Variants in NGEF observed in about 807,000 individuals in gnomAD.
NGEF encodes ephexin-1.
A neutral mutation model predicts 80.9 loss-of-function variants in NGEF; 31 were observed. The observed-to-expected ratio is 0.38, with a 90% CI of 0.29 to 0.52. The LOEUF (loss-of-function observed/expected upper bound fraction) is 0.52, where lower values mean the gene tolerates loss of function less well. NGEF is among the 20% of genes least tolerant of loss of function. The pLI is 0.84. For missense variants in NGEF, 709 were observed against 926.2 expected, an observed-to-expected ratio of 0.77 and a Z score of 3.04; for synonymous variants, 371 against 370.2, an observed-to-expected ratio of 1.00 and a Z score of -0.03.
chr2:232,893,470 T>C (rs909163138), intron 6 of NGEF, among the ~76,000 whole-genome samples: 2 of 152,152 alleles, frequency 1.3e-5, no homozygotes, highest in African/African-American at 4.8e-5. Flanking sequence ...TACAAATACA[T>C]AAGACAGAAG....
At chr2:232,953,451 A>T (rs553375265) in intron 3 of NGEF, among the ~76,000 whole-genome samples, 206 of 151,286 alleles carry the variant, frequency 1.4e-3, no homozygotes, top group Non-Finnish European at 2.2e-3. Context: ...CACAACCAAC[A>T]TGCTCAAAAA....
chr2:232,972,278 A>C (rs75713621), intron 2 of NGEF, among the ~76,000 whole-genome samples: 13,452 of 152,294 alleles, frequency 0.088, 714 homozygotes, highest in South Asian at 0.17. Flanking sequence ...CTTCATGCAA[A>C]AAAAAGGAAT....
intron 5 of NGEF, among the ~76,000 whole-genome samples, chr2:232,916,071 C>T (rs955977499): frequency 6.6e-6 from 1 of 152,162 alleles, no homozygotes; most frequent in Non-Finnish European, 1.5e-5. Context: ...TTGGGAACAG[C>T]CTTTCTAATC....
intron 1 of NGEF, among the ~76,000 whole-genome samples, chr2:232,977,388 G>T (rs1460578319): frequency 6.6e-6 from 1 of 152,186 alleles, no homozygotes. Context: ...ATGAGTGTCC[G>T]AGCTCCCCAG....
intron 5 of NGEF, among the ~76,000 whole-genome samples, chr2:232,911,855 T>C (rs1692696920): frequency 1.3e-5 from 2 of 152,242 alleles, no homozygotes; most frequent in Non-Finnish European, 2.9e-5. Flanking sequence ...GCCTTGTATC[T>C]GGCAACCTTG....
chr2:233,009,175 C>G, intron 1 of NGEF, among the ~76,000 whole-genome samples: 1 of 152,174 alleles, frequency 6.6e-6, no homozygotes, highest in East Asian at 1.9e-4. Flanking sequence ...CCCTGCGTCC[C>G]TGCTCCACTT....
intron 1 of NGEF, among the ~76,000 whole-genome samples, chr2:232,995,887 T>C (rs1023320089): frequency 3.6e-4 from 55 of 151,250 alleles, no homozygotes; most frequent in African/African-American, 1.3e-3. Flanking sequence ...TACACTATAA[T>C]ACATATATGG....
intron 1 of NGEF, among the ~76,000 whole-genome samples, chr2:232,991,112 A>C (rs1035378679): frequency 1.1e-4 from 17 of 152,216 alleles, no homozygotes; most frequent in African/African-American, 3.8e-4. Context: ...ATCTATGAAA[A>C]CTACACAGCA....
At chr2:232,993,102 A>G in intron 1 of NGEF, among the ~76,000 whole-genome samples, 1 of 85,900 alleles carries the variant, frequency 1.2e-5, no homozygotes, top group East Asian at 3.8e-4. Context: ...TATATAAATA[A>G]ATAAATATAT....
At chr2:232,923,072 G>GAA (rs376024670) in intron 4 of NGEF, among the ~76,000 whole-genome samples, 1,580 of 149,402 alleles carry the variant, frequency 0.011, 22 homozygotes, top group Non-Finnish European at 0.013. Context: ...CTCCATCTCA[G>GAA]AAAAAAAAAC....
At chr2:232,988,205 G>A (rs1694578482) in intron 1 of NGEF, among the ~76,000 whole-genome samples, 1 of 152,084 alleles carries the variant, frequency 6.6e-6, no homozygotes, top group Non-Finnish European at 1.5e-5. Context: ...GAGGGGAGGT[G>A]GGGAGAGTGG....
At chr2:232,948,940 T>G (rs1475545115) in intron 3 of NGEF, among the ~76,000 whole-genome samples, 1 of 151,758 alleles carries the variant, frequency 6.6e-6, no homozygotes, top group Non-Finnish European at 1.5e-5. Flanking sequence ...ATCGCTTGAA[T>G]CCAGGAGGCA....
At chr2:232,990,074 A>G (rs1034886550) in intron 1 of NGEF, among the ~76,000 whole-genome samples, 2 of 152,172 alleles carry the variant, frequency 1.3e-5, no homozygotes, top group Admixed American at 1.3e-4. Flanking sequence ...GATCAGCATA[A>G]TGAGACATAA....
intron 3 of NGEF, among the ~76,000 whole-genome samples, chr2:232,949,267 A>C (rs1468621020): frequency 6.6e-6 from 1 of 152,224 alleles, no homozygotes; most frequent in Non-Finnish European, 1.5e-5. Flanking sequence ...AGCCTGGATC[A>C]TAGTGGGCAC....
intron 5 of NGEF, among the ~76,000 whole-genome samples, chr2:232,913,727 T>C (rs980626703): frequency 1.3e-5 from 2 of 152,120 alleles, no homozygotes; most frequent in African/African-American, 4.8e-5. Flanking sequence ...GAGATCATCC[T>C]GGCTAACACA....
chr2:232,935,550 G>A (rs968279010), intron 3 of NGEF, among the ~76,000 whole-genome samples: 3 of 152,128 alleles, frequency 2.0e-5, no homozygotes, highest in African/African-American at 7.2e-5. Flanking sequence ...CCCAGGAGGT[G>A]GAGGTTACAG....
intron 1 of NGEF, among the ~76,000 whole-genome samples, chr2:232,993,606 C>T (rs1484592436): frequency 6.6e-6 from 1 of 152,108 alleles, no homozygotes; most frequent in Non-Finnish European, 1.5e-5. Context: ...CATCCACACA[C>T]AAAGATGTAC....
At chr2:232,997,905 G>A (rs573790114) in intron 1 of NGEF, among the ~76,000 whole-genome samples, 1 of 152,306 alleles carries the variant, frequency 6.6e-6, no homozygotes, top group East Asian at 1.9e-4. Context: ...ACCCACAGGT[G>A]GCCGTGGGTG....
chr2:233,009,596 T>C (rs1695159898), intron 1 of NGEF, among the ~76,000 whole-genome samples: 1 of 150,678 alleles, frequency 6.6e-6, no homozygotes, highest in South Asian at 2.1e-4. Context: ...TGTAAGAGTT[T>C]GGGATGAGCC....
Sources: allele counts gnomAD v4.1 joint callset (sites outside exome capture counted in the v4.1 genomes callset), GRCh38; gene constraint gnomAD v4.1.1; transcripts MANE v1.5; gene names NCBI Gene and HGNC (gene_info 2026-07-23, HGNC 2026-07-21).